Variants in CACNA1B observed in about 807,000 individuals in gnomAD.
The protein encoded by CACNA1B is voltage-dependent N-type calcium channel subunit alpha-1B.
CACNA1B carries 70 observed loss-of-function variants against 247.2 expected under a neutral mutation model. That is an observed-to-expected ratio of 0.28 (90% CI 0.23 to 0.35). The LOEUF is 0.35. CACNA1B is among the 10% of genes least tolerant of loss of function. The pLI, the probability that CACNA1B is intolerant of heterozygous loss-of-function variation, is 1.00. For synonymous variants in CACNA1B, 1,231 were observed against 1,294.4 expected, an observed-to-expected ratio of 0.95 and a Z score of 1.05; for missense variants, 2,367 against 3,197.4, an observed-to-expected ratio of 0.74 and a Z score of 6.26.
At chr9:138,047,164 G>T (rs1053073257) in intron 22 of CACNA1B, 131 bp downstream of exon 22, 2 of 911,626 alleles carry the variant, frequency 2.2e-6, no homozygotes, top group Non-Finnish European at 3.3e-6. Flanking sequence ...TCCTCTGTCT[G>T]TGTGCCTGGC....
intron 40 of CACNA1B, among the ~76,000 whole-genome samples, chr9:138,113,713 G>A (rs112710790): frequency 2.1e-4 from 28 of 134,998 alleles, no homozygotes; most frequent in Middle Eastern, 4.5e-3. Flanking sequence ...TGCATCTTGC[G>A]GGAGACGTGA....
At chr9:138,048,961 A>G (rs1006757018) in intron 23 of CACNA1B, among the ~76,000 whole-genome samples, 1 of 151,920 alleles carries the variant, frequency 6.6e-6, no homozygotes, top group African/African-American at 2.4e-5. Flanking sequence ...CAGGTGATCC[A>G]CCCGCCTCAG....
chr9:137,928,965 C>T (rs1438220509), intron 6 of CACNA1B, among the ~76,000 whole-genome samples: 1 of 152,154 alleles, frequency 6.6e-6, no homozygotes, highest in Non-Finnish European at 1.5e-5. Context: ...GTATTTATAG[C>T]ATATTTTATT....
chr9:137,991,777 C>A (rs1183836916), intron 15 of CACNA1B, among the ~76,000 whole-genome samples: 1 of 152,170 alleles, frequency 6.6e-6, no homozygotes, highest in Non-Finnish European at 1.5e-5. Flanking sequence ...TGATTAGGGT[C>A]CTATCTTTAG....
At chr9:138,053,209 G>A (rs1160538453) in intron 25 of CACNA1B, among the ~76,000 whole-genome samples, 2 of 152,226 alleles carry the variant, frequency 1.3e-5, no homozygotes, top group Non-Finnish European at 2.9e-5. Context: ...AGCACCTGCT[G>A]GTGCAGCTGG....
In CACNA1B at chr9:138,121,572, G is replaced by A. The variant is rs200649042; in HGVS notation, c.6593G>A (p.Arg2198His). The change falls in exon 47 of 47, where the codon CGC becomes CAC. Residue 2198 changes from arginine to histidine, a missense_variant. Physicochemically the swap from Arg to His is conservative, Grantham distance 29. Transcript: ENST00000371372. The surrounding 1 kb of genome is among the most constrained non-coding windows in gnomAD (Gnocchi z 6.8). Reference sequence around the variant, plus strand: ...CTCCCCCAGACGCCCCTGACTCCCCGCCCCAGCATCACCTACAAGACGGCC... The same window carrying A: ...CTCCCCCAGACGCCCCTGACTCCCCACCCCAGCATCACCTACAAGACGGCC... ...RQLPQTPLTP[R>H]PSITYKTANS... is the part of the protein sequence containing the mutation. 9.5e-5 allele frequency: 153 copies of A among 1,609,584 alleles called. No homozygotes were observed. Among genetic ancestry groups the A allele is most frequent in the Non-Finnish European group, 1.1e-4 (135 of 1,177,326 alleles).
intron 36 of CACNA1B, among the ~76,000 whole-genome samples, chr9:138,088,553 C>T (rs538923342): frequency 7.9e-5 from 12 of 151,894 alleles, no homozygotes; most frequent in Admixed American, 5.2e-4. Flanking sequence ...GAAAACCTAG[C>T]GGAAATGGAT....
Position 138,011,841 on chromosome 9 carries a change from T to A in CACNA1B, c.2161-1288T>A, listed in dbSNP as rs1361582587. ...CCCCGAATGCAGATTCAAGGACATT[T>A]TAGGGAACACTGGGAATGCTGGCTC... On this transcript the variant is annotated intron_variant, in intron 17 of 46. Coordinates refer to ENST00000371372, the MANE Select transcript of CACNA1B (RefSeq NM_000718.4). This position sits in a 1 kb window ranked among gnomAD's most constrained non-coding sequence, Gnocchi z 4.2. Among the ~76,000 whole-genome samples, 2 of 152,146 alleles carry A rather than the reference T, an allele frequency of 1.3e-5. No individual in the cohort carries two copies. The highest frequency in any genetic ancestry group is 2.9e-5 in the Non-Finnish European group (2 of 68,034).
At chr9:137,900,216 C>A (rs1408022706) in intron 3 of CACNA1B, among the ~76,000 whole-genome samples, 2 of 152,090 alleles carry the variant, frequency 1.3e-5, no homozygotes, top group Admixed American at 6.5e-5. Context: ...GTGAGGTGCC[C>A]CCCTGGTCCA....
Position 138,050,041 on chromosome 9 carries a change from G to A in CACNA1B, c.3710+726G>A. On this transcript the variant is annotated intron_variant, in intron 24 of 46. Transcript: ENST00000371372. This position sits in a 1 kb window ranked among gnomAD's most constrained non-coding sequence, Gnocchi z 5.2. ...GGCTGCTCCTGGTGCCACTGACTCTGTTCTCTTTGTCTTCCTCTTGCTGGA... is the reference window on the plus strand; with the variant it reads ...GGCTGCTCCTGGTGCCACTGACTCTATTCTCTTTGTCTTCCTCTTGCTGGA... 1 of 1,288,646 alleles carries A rather than the reference G, an allele frequency of 7.8e-7. No homozygotes were observed. Among genetic ancestry groups the A allele is most frequent in the Non-Finnish European group, 1.0e-6 (1 of 987,816 alleles). The allele number at this position is 1,288,646 out of a possible 1,614,324, so 79.8% of individuals were successfully genotyped here.
At chr9:137,960,429 A>ACTGG (rs2133350625) in intron 10 of CACNA1B, among the ~76,000 whole-genome samples, 1 of 16,532 alleles carries the variant, frequency 6.0e-5, no homozygotes, top group Non-Finnish European at 1.3e-4. Context: ...GGTCAGCCTG[A>ACTGG]GAGACGGAGG....
chr9:138,034,509 A>G (rs554303398), intron 20 of CACNA1B, among the ~76,000 whole-genome samples: 78 of 138,834 alleles, frequency 5.6e-4, no homozygotes, highest in African/African-American at 2.0e-3. Context: ...ATTATTGTCT[A>G]TAAGTTTTAT....
At chr9:138,089,165 A>G (rs753497079) in intron 36 of CACNA1B, among the ~76,000 whole-genome samples, 5 of 152,052 alleles carry the variant, frequency 3.3e-5, no homozygotes, top group Non-Finnish European at 7.4e-5. Context: ...AGAGAAGGAC[A>G]CAGCAGAAAC....
In CACNA1B at chr9:137,965,655, A is replaced by G. The variant is rs1471567542; in HGVS notation, c.1334-5728A>G. On this transcript the variant is annotated intron_variant, in intron 10 of 46. Transcript: ENST00000371372. The stretch of plus-strand genomic sequence containing the variant: ...ACCCTGTCGCCTAGGCTGGAATGCA[A>G]TGGCATGATCTCGGCTCATTGCAAC... Among the ~76,000 whole-genome samples, 4 of 152,208 alleles carry G rather than the reference A, an allele frequency of 2.6e-5. No homozygotes were observed. In the East Asian group the frequency reaches 5.8e-4, roughly 22 times the overall value.
At chr9:138,105,928 T>A (rs1267822187) in intron 39 of CACNA1B, 121 bp downstream of exon 39, 2 of 647,496 alleles carry the variant, frequency 3.1e-6, no homozygotes, top group Non-Finnish European at 5.5e-6. Flanking sequence ...TCTGGAGGGG[T>A]CTGAGGACAG....
At chr9:137,958,589 C>A (rs970014077) in intron 10 of CACNA1B, among the ~76,000 whole-genome samples, 2 of 152,160 alleles carry the variant, frequency 1.3e-5, no homozygotes, top group Non-Finnish European at 2.9e-5. Flanking sequence ...CCATTTATTT[C>A]TAGTGCTTTT....
Position 137,882,526 on chromosome 9 carries a change from G to A in CACNA1B, c.391-218G>A, listed in dbSNP as rs55936762. 0.24 allele frequency among the ~76,000 whole-genome samples: 36,191 copies of A among 152,118 alleles called. 4,700 individuals carry two copies. Among genetic ancestry groups the A allele is most frequent in the Non-Finnish European group, 0.29 (19,784 of 67,958 alleles). ...TGGGATGTTGCTGCTGTAAACAGTG[G>A]TGTCCCCATTAGGGGACATGTGCAG... is the stretch of plus-strand genomic sequence containing the variant. On this transcript the variant is annotated intron_variant, in intron 2 of 46. Coordinates refer to ENST00000371372, the MANE Select transcript of CACNA1B (RefSeq NM_000718.4). This position sits in a 1 kb window ranked among gnomAD's most constrained non-coding sequence, Gnocchi z 4.0.
At chr9:137,972,450 T>A (rs1323570555) in intron 11 of CACNA1B, among the ~76,000 whole-genome samples, 1 of 151,726 alleles carries the variant, frequency 6.6e-6, no homozygotes, top group Non-Finnish European at 1.5e-5. Context: ...TGCCTGAAGC[T>A]GCCGAGGCAC....
rs1957049986 is a variant in CACNA1B at position 137,888,513 on chromosome 9, G to A, written c.530+5630G>A. Among the ~76,000 whole-genome samples, 1 of 152,362 alleles carries A rather than the reference G, an allele frequency of 6.6e-6. No individual in the cohort carries two copies. The highest frequency in any genetic ancestry group is 6.5e-5 in the Admixed American group (1 of 15,312). ...GGTGCTACCCTCCATGGCCCTTGGG[G>A]ACATCAGAGAAACACATCCTGGCTC... is the stretch of plus-strand genomic sequence containing the variant. On this transcript the variant is annotated intron_variant, in intron 3 of 46. Transcript: ENST00000371372. This position sits in a 1 kb window ranked among gnomAD's most constrained non-coding sequence, Gnocchi z 4.7.
Sources: gnomAD v4.1 joint callset for allele counts (sites outside exome capture counted in the v4.1 genomes callset) on GRCh38, gnomAD v4.1.1 for gene constraint, Gnocchi (gnomAD v3.1) non-coding constraint, MANE v1.5 for transcripts, NCBI Gene and HGNC (gene_info 2026-07-23, HGNC 2026-07-21) for gene names.